Variants in RAB3GAP2 observed in about 807,000 individuals in gnomAD.
The protein encoded by RAB3GAP2 is RAB3 GTPase activating non-catalytic protein subunit 2.
Under a neutral mutation model 185.3 loss-of-function variants are expected in RAB3GAP2, and 87 were observed. That is an observed-to-expected ratio of 0.47 (90% CI 0.39 to 0.56). RAB3GAP2 has a LOEUF of 0.56. RAB3GAP2 is among the 20% of genes least tolerant of loss of function. The pLI, the probability that RAB3GAP2 is intolerant of heterozygous loss-of-function variation, is 0.00. For synonymous variants in RAB3GAP2, 554 were observed against 576.1 expected, an observed-to-expected ratio of 0.96 and a Z score of 0.55; for missense variants, 1,492 against 1,638.2, an observed-to-expected ratio of 0.91 and a Z score of 1.54.
chr1:220,222,032 G>T (rs1042966576), intron 2 of RAB3GAP2, among the ~76,000 whole-genome samples: 1 of 152,158 alleles, frequency 6.6e-6, no homozygotes, highest in Non-Finnish European at 1.5e-5. Context: ...AGTGGTACCA[G>T]TAAGATCCAG....
intron 1 of RAB3GAP2, chr1:220,271,332 A>T (rs1294380871): frequency 6.7e-6 from 1 of 150,086 alleles, no homozygotes; most frequent in Non-Finnish European, 1.5e-5. Context: ...AATGTGCTTC[A>T]GGTTGGAAAT....
At chr1:220,165,956 A>G (rs1031114586) in intron 26 of RAB3GAP2, among the ~76,000 whole-genome samples, 16 of 152,238 alleles carry the variant, frequency 1.1e-4, no homozygotes, top group African/African-American at 3.6e-4. Context: ...TTCTTCTTAA[A>G]TGCCACTTTT....
chr1:220,251,442 A>G (rs930993872), intron 1 of RAB3GAP2, among the ~76,000 whole-genome samples: 2 of 152,250 alleles, frequency 1.3e-5, no homozygotes, highest in African/African-American at 4.8e-5. Flanking sequence ...AACAATAGAA[A>G]AAGTTTAAAG....
Position 220,213,990 on chromosome 1 carries a change from A to G in RAB3GAP2, c.181-11T>C. On this transcript the variant is annotated splice_polypyrimidine_tract_variant and intron_variant, in intron 2 of 34. Coordinates refer to ENST00000358951, the MANE Select transcript of RAB3GAP2 (RefSeq NM_012414.4). The stretch of plus-strand genomic sequence containing the variant: ...ATTTCCTTCTTCTTCCTGTGGGTAA[A>G]ACTACAATTACTGCATATGCAAAAA... 1 of 1,613,002 alleles carries G rather than the reference A, an allele frequency of 6.2e-7. No homozygotes were observed. Among genetic ancestry groups the G allele is most frequent in the African/African-American group, 1.3e-5 (1 of 74,978 alleles).
intron 1 of RAB3GAP2, among the ~76,000 whole-genome samples, chr1:220,240,542 A>G (rs890890031): frequency 2.0e-5 from 3 of 152,094 alleles, no homozygotes; most frequent in African/African-American, 7.2e-5. Flanking sequence ...TCATCTTAAA[A>G]TATTTTGTTT....
intron 26 of RAB3GAP2, among the ~76,000 whole-genome samples, chr1:220,166,988 A>G (rs182317870): frequency 6.6e-6 from 1 of 152,302 alleles, no homozygotes; most frequent in Admixed American, 6.5e-5. Context: ...GTTTTAGATA[A>G]AGAGAACCAT....
chr1:220,176,277 T>C (rs1658287442), intron 21 of RAB3GAP2, among the ~76,000 whole-genome samples: 1 of 152,204 alleles, frequency 6.6e-6, no homozygotes, highest in Non-Finnish European at 1.5e-5. Flanking sequence ...CATATAAATA[T>C]GTTATATATT....
intron 13 of RAB3GAP2, among the ~76,000 whole-genome samples, chr1:220,191,841 A>T (rs1266811769): frequency 2.0e-5 from 3 of 151,906 alleles, no homozygotes; most frequent in African/African-American, 7.3e-5. Flanking sequence ...AGAAAAGATT[A>T]TAGATATAAT....
At chr1:220,179,510 T>C (rs923480556) in intron 21 of RAB3GAP2, among the ~76,000 whole-genome samples, 1 of 152,182 alleles carries the variant, frequency 6.6e-6, no homozygotes, top group African/African-American at 2.4e-5. Context: ...AACTACATAC[T>C]AGACCATATG....
intron 21 of RAB3GAP2, among the ~76,000 whole-genome samples, chr1:220,178,350 T>A (rs1658335282): frequency 6.6e-6 from 1 of 152,238 alleles, no homozygotes; most frequent in Non-Finnish European, 1.5e-5. Context: ...GATGCTAATG[T>A]GATTGTCATA....
chr1:220,254,339 T>A lies in RAB3GAP2; in HGVS notation c.115+17884A>T, dbSNP rs192439547. On this transcript the variant is annotated intron_variant, in intron 1 of 34. Transcript: ENST00000358951. ...CATCCCGATGCACCCATGTCCCAGG[T>A]GTATGGAGCGCCACATCTCCTGAGA... 8 of 1,613,484 alleles carry A rather than the reference T, an allele frequency of 5.0e-6. No homozygotes were observed. The Admixed American group carries it at 1.3e-4, about 27-fold the overall frequency.
In RAB3GAP2 at chr1:220,150,213, GT is replaced by G. The variant is rs912362772; in HGVS notation, c.*1037del. ...CAGCCTCCCGAGTAGCTATAGTTTG[GT>G]TTTAATCAGTAAATATTTATTTAGC... is the stretch of plus-strand genomic sequence containing the variant. On this transcript the variant is annotated 3_prime_UTR_variant, in exon 35 of 35. Transcript: ENST00000358951. The G allele has an allele frequency of 1.3e-5, 2 of 151,108 alleles. No homozygotes were observed. Among genetic ancestry groups the G allele is most frequent in the South Asian group, 2.1e-4 (1 of 4,738 alleles). The allele number at this position is 151,108 out of a possible 1,614,324, so 9.4% of individuals were successfully genotyped here.
At chr1:220,178,732 G>A (rs1558146046) in intron 21 of RAB3GAP2, among the ~76,000 whole-genome samples, 1 of 152,070 alleles carries the variant, frequency 6.6e-6, no homozygotes, top group Non-Finnish European at 1.5e-5. Flanking sequence ...AGAAAAAAGA[G>A]AGGAGTTACA....
intron 1 of RAB3GAP2, chr1:220,267,010 C>A (rs1412884727): frequency 6.2e-7 from 1 of 1,611,176 alleles, no homozygotes; most frequent in African/African-American, 1.3e-5. Flanking sequence ...ATGCATCCGA[C>A]CTTCAATCAT....
intron 1 of RAB3GAP2, chr1:220,253,734 G>A (rs879172462): frequency 1.5e-5 from 24 of 1,611,606 alleles, no homozygotes; most frequent in East Asian, 2.2e-5. Context: ...ATTGGGATGA[G>A]TGGGTTCCGG....
At position 220,179,244 on chromosome 1, in the gene RAB3GAP2, C is replaced by CAAA. The variant is rs71169437; in HGVS notation, c.2310+3010_2310+3012dup. On this transcript the variant is annotated intron_variant, in intron 21 of 34. Transcript: ENST00000358951. ...CGCCTGGGCGACAGTGAGACTGTCT[C>CAAA]AAAAAAAAAAAAAAAAAAAAAAAGA... Among the ~76,000 whole-genome samples, 416 of 53,406 alleles carry CAAA rather than the reference C, an allele frequency of 7.8e-3. 1 individual carries two copies. Among genetic ancestry groups the CAAA allele is most frequent in the Non-Finnish European group, 8.9e-3 (252 of 28,200 alleles). The allele number at this position is 53,406 out of a possible 152,430, so 35.0% of individuals were successfully genotyped here.
intron 30 of RAB3GAP2, 73 bp downstream of exon 30, chr1:220,157,729 T>C (rs1657885354): frequency 7.4e-7 from 1 of 1,343,874 alleles, no homozygotes; most frequent in Non-Finnish European, 1.1e-6. Context: ...AATAGTCATT[T>C]ATTAAATGCA....
chr1:220,271,562 T>C (rs1285588313), intron 1 of RAB3GAP2, among the ~76,000 whole-genome samples: 4 of 152,214 alleles, frequency 2.6e-5, no homozygotes, highest in Admixed American at 2.0e-4. Flanking sequence ...ACTGTAATTT[T>C]AGTTCCTAAT....
intron 1 of RAB3GAP2, among the ~76,000 whole-genome samples, chr1:220,255,234 A>G (rs992950604): frequency 6.6e-6 from 1 of 152,136 alleles, no homozygotes; most frequent in African/African-American, 2.4e-5. Flanking sequence ...GAAAACAACA[A>G]CAACAACATG....
Sources: gnomAD v4.1 joint callset for allele counts (sites outside exome capture counted in the v4.1 genomes callset) on GRCh38, gnomAD v4.1.1 for gene constraint, MANE v1.5 for transcripts, NCBI Gene and HGNC (gene_info 2026-07-23, HGNC 2026-07-21) for gene names.